Variants in ADGRG6 observed in about 807,000 individuals in gnomAD.
ADGRG6 encodes G-protein coupled receptor 126.
Under a neutral mutation model 142.4 loss-of-function variants are expected in ADGRG6, and 84 were observed. The ratio of observed to expected loss-of-function variants is 0.59; its 90% CI spans 0.49 to 0.71. ADGRG6 has a LOEUF of 0.71. ADGRG6 is among the 30% of genes least tolerant of loss of function. The pLI is 0.00. For synonymous variants in ADGRG6, 521 were observed against 520.5 expected, an observed-to-expected ratio of 1.00 and a Z score of -0.01; for missense variants, 1,367 against 1,466.6, an observed-to-expected ratio of 0.93 and a Z score of 1.11.
intron 2 of ADGRG6, among the ~76,000 whole-genome samples, chr6:142,318,279 A>ATATATTTATAT (rs1778319899): frequency 1.8e-5 from 1 of 55,298 alleles, no homozygotes; most frequent in African/African-American, 1.2e-4. Flanking sequence ...TATTTATATT[A>ATATATTTATAT]TATATATTTA....
chr6:142,352,205 G>GAGTCAACC (rs989603643), intron 2 of ADGRG6, among the ~76,000 whole-genome samples: 1 of 152,288 alleles, frequency 6.6e-6, no homozygotes, highest in Admixed American at 6.5e-5. Flanking sequence ...CAGAGACATG[G>GAGTCAACC]AGTCAACCAC....
chr6:142,409,572 A>G (rs1469053138), intron 16 of ADGRG6, among the ~76,000 whole-genome samples: 2 of 152,138 alleles, frequency 1.3e-5, no homozygotes, highest in East Asian at 3.8e-4. Context: ...TGTAGTGTCA[A>G]GAGCTTTTCT....
intron 2 of ADGRG6, among the ~76,000 whole-genome samples, chr6:142,313,803 C>T (rs1476067683): frequency 6.6e-6 from 1 of 152,032 alleles, no homozygotes; most frequent in African/African-American, 2.4e-5. Flanking sequence ...AATTACATTG[C>T]AATCTATATT....
At chr6:142,302,732 C>T (rs1015829771) in intron 1 of ADGRG6, 2 of 232,832 alleles carry the variant, frequency 8.6e-6, no homozygotes, top group Non-Finnish European at 1.7e-5. Context: ...CACCTGGGGG[C>T]TTGGAAGGTA....
intron 17 of ADGRG6, 22 bp from the exon 18 acceptor site, chr6:142,411,283 T>G: frequency 2.3e-6 from 3 of 1,329,038 alleles, no homozygotes; most frequent in Non-Finnish European, 3.3e-6. Context: ...GTTTTCACAC[T>G]GTTTGTTGAT....
intron 22 of ADGRG6, among the ~76,000 whole-genome samples, chr6:142,432,216 T>C (rs1250316395): frequency 1.3e-5 from 2 of 152,170 alleles, no homozygotes; most frequent in Non-Finnish European, 2.9e-5. Context: ...TGTGCACTGT[T>C]ACAGATCCAG....
chr6:142,336,933 C>G (rs1198963053), intron 2 of ADGRG6, among the ~76,000 whole-genome samples: 4 of 152,152 alleles, frequency 2.6e-5, no homozygotes, highest in African/African-American at 7.2e-5. Context: ...GGTGTTGTTA[C>G]TGCCAAAGGA....
At chr6:142,383,879 C>G (rs756904199) in intron 6 of ADGRG6, 36 bp downstream of exon 6, 4 of 1,039,800 alleles carry the variant, frequency 3.8e-6, no homozygotes, top group Non-Finnish European at 6.0e-6. Flanking sequence ...TTTAGTATGT[C>G]TAACATAAAA....
intron 2 of ADGRG6, among the ~76,000 whole-genome samples, chr6:142,310,455 A>G (rs1777709777): frequency 1.4e-5 from 2 of 145,892 alleles, no homozygotes; most frequent in South Asian, 4.1e-4. Flanking sequence ...GTCAATTAAG[A>G]AAATCATAAT....
Position 142,382,161 on chromosome 6 carries a change from G to A in ADGRG6, c.1138+142G>A, listed in dbSNP as rs1046969507. ...GCAAAACAGAAGAATTTCTGCATGT[G>A]TTTTAGTTGTGTGGGTGCACAGTAC... On this transcript the variant is annotated intron_variant, in intron 5 of 24. Coordinates refer to ENST00000367609, the MANE Select transcript of ADGRG6 (RefSeq NM_198569.3). The A allele has an allele frequency of 8.1e-6, 5 of 617,152 alleles. No individual in the cohort carries two copies. In the African/African-American group the frequency reaches 9.2e-5, roughly 11 times the overall value. The allele number at this position is 617,152 out of a possible 1,614,324, so 38.2% of individuals were successfully genotyped here.
intron 2 of ADGRG6, among the ~76,000 whole-genome samples, chr6:142,320,967 A>G (rs1403948309): frequency 1.3e-5 from 2 of 152,044 alleles, no homozygotes; most frequent in Admixed American, 6.6e-5. Context: ...GTGTAACAAC[A>G]CATATAGATT....
At position 142,313,187 on chromosome 6, in the gene ADGRG6, G is replaced by A. The variant is rs537523132; in HGVS notation, c.103+3543G>A. On this transcript the variant is annotated intron_variant, in intron 2 of 24. Transcript: ENST00000367609. ...TGATGAATTTCTTTTTTTAAAAAAA[G>A]CCACATAAAAATGACCAGAGAGGCA... 2.0e-5 allele frequency among the ~76,000 whole-genome samples: 3 copies of A among 151,936 alleles called. No individual in the cohort carries two copies. In the South Asian group the frequency reaches 6.2e-4, roughly 32 times the overall value.
At chr6:142,431,448 T>A (rs950012629) in intron 22 of ADGRG6, among the ~76,000 whole-genome samples, 1 of 152,310 alleles carries the variant, frequency 6.6e-6, no homozygotes, top group African/African-American at 2.4e-5. Flanking sequence ...AAGCTTTAAC[T>A]CTGCATTCAG....
intron 2 of ADGRG6, among the ~76,000 whole-genome samples, chr6:142,341,141 A>G (rs559666001): frequency 6.6e-6 from 1 of 151,526 alleles, no homozygotes; most frequent in Non-Finnish European, 1.5e-5. Flanking sequence ...TCTGAATTTC[A>G]GAGTAATGAA....
intron 2 of ADGRG6, among the ~76,000 whole-genome samples, chr6:142,356,704 T>C (rs1377778231): frequency 6.6e-6 from 1 of 151,800 alleles, no homozygotes; most frequent in Non-Finnish European, 1.5e-5. Context: ...TTTTTTTTCT[T>C]CAGATGTGGA....
At chr6:142,403,777 G>A (rs1775656352) in intron 13 of ADGRG6, 25 bp from the exon 14 acceptor site, 1 of 1,443,288 alleles carries the variant, frequency 6.9e-7, no homozygotes, top group Non-Finnish European at 9.5e-7. Context: ...TTACTTAATA[G>A]TGGCATTTTT....
At chr6:142,336,666 T>G (rs1406528423) in intron 2 of ADGRG6, among the ~76,000 whole-genome samples, 1 of 152,264 alleles carries the variant, frequency 6.6e-6, no homozygotes, top group Non-Finnish European at 1.5e-5. Flanking sequence ...TGTATTTATA[T>G]GTAGACACAT....
At chr6:142,386,055 G>A (rs932469506) in intron 6 of ADGRG6, among the ~76,000 whole-genome samples, 15 of 152,150 alleles carry the variant, frequency 9.9e-5, no homozygotes, top group Admixed American at 3.3e-4. Context: ...ATATTGCATT[G>A]TGGGGAGAGG....
intron 4 of ADGRG6, among the ~76,000 whole-genome samples, chr6:142,378,779 A>G (rs1266362379): frequency 1.3e-5 from 2 of 152,168 alleles, no homozygotes; most frequent in Non-Finnish European, 2.9e-5. Context: ...CCAAAATCCC[A>G]ATGCAAAGTT....
Sources: gnomAD v4.1 joint callset for allele counts (sites outside exome capture counted in the v4.1 genomes callset) on GRCh38, gnomAD v4.1.1 for gene constraint, MANE v1.5 for transcripts, NCBI Gene and HGNC (gene_info 2026-07-23, HGNC 2026-07-21) for gene names.